Variants in CAST observed in about 807,000 individuals in gnomAD.
The protein encoded by CAST is MIR583 host.
CAST carries 76 observed loss-of-function variants against 119.6 expected under a neutral mutation model. The observed-to-expected ratio is 0.64, with a 90% CI of 0.53 to 0.77. The LOEUF is 0.77. CAST is among the 30% of genes least tolerant of loss of function. The pLI, the probability that CAST is intolerant of heterozygous loss-of-function variation, is 0.00. For synonymous variants in CAST, 319 were observed against 331.6 expected (o/e 0.96, Z 0.41); for missense variants, 953 against 946.5 (o/e 1.01, Z -0.09).
At chr5:96,084,090 A>T in the CAST span, among the ~76,000 whole-genome samples, 1 of 152,234 alleles carries the variant, frequency 6.6e-6, no homozygotes, top group East Asian at 1.9e-4. Context: ...CATTATAATT[A>T]GGCTTCCTAT....
At chr5:96,132,505 A>G in the CAST span, among the ~76,000 whole-genome samples, 7 of 152,078 alleles carry the variant, frequency 4.6e-5, no homozygotes, top group Non-Finnish European at 1.0e-4. Context: ...ACTCCAGCTT[A>G]TTCCTTCTAT....
At chr5:96,573,361 T>G (rs1432118233) in intron 1 of CAST, among the ~76,000 whole-genome samples, 1 of 152,230 alleles carries the variant, frequency 6.6e-6, no homozygotes, top group South Asian at 2.1e-4. Context: ...CCAGACATGG[T>G]GGCTCACACC....
chr5:96,210,352 A>G, the CAST span: 3 of 151,984 alleles, frequency 2.0e-5, no homozygotes, highest in Admixed American at 2.0e-4. Context: ...GTTAATTTTT[A>G]TGTGTAATAA....
At chr5:96,219,522 CTGGCCAGGCA>C in the CAST span, among the ~76,000 whole-genome samples, 1 of 152,140 alleles carries the variant, frequency 6.6e-6, no homozygotes, top group East Asian at 1.9e-4. Context: ...AGTTGCCAGC[CTGGCCAGGCA>C]TGGTGGCCCA....
chr5:96,357,103 G>C, the CAST span, among the ~76,000 whole-genome samples: 1 of 152,064 alleles, frequency 6.6e-6, no homozygotes, highest in Non-Finnish European at 1.5e-5. Flanking sequence ...ATTGTGAATG[G>C]GAGTTCACTC....
At chr5:96,443,284 A>G in the CAST span, among the ~76,000 whole-genome samples, 30 of 152,326 alleles carry the variant, frequency 2.0e-4, no homozygotes, top group Middle Eastern at 6.8e-3. Context: ...TACATTTTAA[A>G]ACCTTTCCTA....
intron 1 of CAST, among the ~76,000 whole-genome samples, chr5:96,593,177 A>G (rs1746994960): frequency 6.6e-6 from 1 of 152,234 alleles, no homozygotes; most frequent in East Asian, 1.9e-4. Flanking sequence ...ACAATGCTTT[A>G]GTGTGCCTTG....
At chr5:96,144,660 T>C in the CAST span, among the ~76,000 whole-genome samples, 8 of 149,332 alleles carry the variant, frequency 5.4e-5, no homozygotes, top group Non-Finnish European at 1.2e-4. Context: ...CATAAACACA[T>C]ACCCAGACAC....
chr5:96,108,708 C>A, the CAST span, among the ~76,000 whole-genome samples: 2 of 152,342 alleles, frequency 1.3e-5, no homozygotes, highest in South Asian at 4.1e-4. Context: ...AGAGGTGGAG[C>A]CTACAGAGGC....
chr5:96,701,372 A>T (rs1022458114), intron 3 of CAST, among the ~76,000 whole-genome samples: 2 of 152,234 alleles, frequency 1.3e-5, no homozygotes, highest in Non-Finnish European at 2.9e-5. Context: ...GGCCCAAATT[A>T]GTCACCCTGT....
chr5:96,455,461 A>G, the CAST span, among the ~76,000 whole-genome samples: 3 of 152,234 alleles, frequency 2.0e-5, no homozygotes, highest in African/African-American at 4.8e-5. Flanking sequence ...AAACCTTGGC[A>G]ACATGGTTCC....
chr5:96,491,515 A>AAAAAAAAAAAT, the CAST span, among the ~76,000 whole-genome samples: 2 of 147,064 alleles, frequency 1.4e-5, no homozygotes, highest in Non-Finnish European at 3.0e-5. Flanking sequence ...AAAAAAAAAA[A>AAAAAAAAAAAT]AAAAAAAAAA....
chr5:96,021,396 C>T, the CAST span, among the ~76,000 whole-genome samples: 1 of 152,046 alleles, frequency 6.6e-6, no homozygotes, highest in Non-Finnish European at 1.5e-5. Flanking sequence ...AAGAGCTCTG[C>T]TGTTCAGTTG....
At chr5:96,622,535 G>A (rs1002824543) in intron 1 of CAST, among the ~76,000 whole-genome samples, 12 of 152,234 alleles carry the variant, frequency 7.9e-5, no homozygotes, top group Non-Finnish European at 1.5e-4. Context: ...TAAGTGACAT[G>A]AGGCCAGGAT....
At chr5:96,502,921 C>T in the CAST span, among the ~76,000 whole-genome samples, 2 of 151,982 alleles carry the variant, frequency 1.3e-5, no homozygotes. Flanking sequence ...GGGTTGTTTC[C>T]AGTTTTTCTG....
At chr5:96,455,030 TA>T in the CAST span, among the ~76,000 whole-genome samples, 2 of 152,120 alleles carry the variant, frequency 1.3e-5, no homozygotes, top group Non-Finnish European at 2.9e-5. Flanking sequence ...GAATTTAGCA[TA>T]AAAAGTGAGT....
chr5:96,026,566 G>A, the CAST span, among the ~76,000 whole-genome samples: 1 of 152,200 alleles, frequency 6.6e-6, no homozygotes, highest in Non-Finnish European at 1.5e-5. Flanking sequence ...GGAAACAGAA[G>A]GCAATTGTAC....
At chr5:96,721,607 C>A (rs1219214413) in intron 3 of CAST, among the ~76,000 whole-genome samples, 2 of 152,174 alleles carry the variant, frequency 1.3e-5, no homozygotes, top group Non-Finnish European at 2.9e-5. Flanking sequence ...TGTTTACTGA[C>A]AGTCAGTTAC....
At chr5:96,561,550 C>A (rs1746361230) in intron 1 of CAST, among the ~76,000 whole-genome samples, 1 of 151,280 alleles carries the variant, frequency 6.6e-6, no homozygotes, top group African/African-American at 2.4e-5. Flanking sequence ...ACATCACACA[C>A]CGGGGCCTGT....
Sources: gnomAD v4.1 joint callset for allele counts (sites outside exome capture counted in the v4.1 genomes callset) on GRCh38, gnomAD v4.1.1 for gene constraint, MANE v1.5 for transcripts, NCBI Gene and HGNC (gene_info 2026-07-23, HGNC 2026-07-21) for gene names.